The following FKBP15 variants were observed in gnomAD, a reference collection of about 807,000 sequenced individuals.
FKBP15 encodes the protein FKBP prolyl isomerase family member 15.
In FKBP15, 106 loss-of-function variants were observed where a neutral mutation model predicts 158.1. The ratio of observed to expected loss-of-function variants is 0.67; its 90% CI spans 0.57 to 0.79. The LOEUF (loss-of-function observed/expected upper bound fraction) is 0.79, where lower values mean the gene tolerates loss of function less well. Ranked by LOEUF, FKBP15 falls within the 30% of genes least tolerant of loss-of-function variation. The probability of loss-of-function intolerance (pLI) is 0.00; values close to 1 mark genes in which losing one functional copy is unlikely to be tolerated. For synonymous variants in FKBP15, 547 were observed against 548.6 expected, an observed-to-expected ratio of 1.00 and a Z score of 0.04; for missense variants, 1,287 against 1,479.1, an observed-to-expected ratio of 0.87 and a Z score of 2.13.
At position 113,161,549 on chromosome 9, in the gene FKBP15, A is replaced by G; in HGVS notation, c.*4529T>C. ...TGTTGGTGCTCCTGCTTCTGGCTGTACTGTATGAAGGCATCAAGGTTGGCA... is the reference window on the plus strand; with the variant it reads ...TGTTGGTGCTCCTGCTTCTGGCTGTGCTGTATGAAGGCATCAAGGTTGGCA... On this transcript the variant is annotated 3_prime_UTR_variant, in exon 28 of 28. Coordinates refer to ENST00000238256, the MANE Select transcript of FKBP15 (RefSeq NM_015258.2). 6.2e-7 allele frequency: 1 copy of G among 1,614,000 alleles called. No individual in the cohort carries two copies. The highest frequency in any genetic ancestry group is 8.5e-7 in the Non-Finnish European group (1 of 1,179,886).
intron 13 of FKBP15, 56 bp from the exon 14 acceptor site, chr9:113,187,955 C>A (rs1324859194): frequency 7.8e-7 from 1 of 1,288,514 alleles, no homozygotes; most frequent in Non-Finnish European, 1.1e-6. Context: ...TGGTGTGAGT[C>A]TAGACTAGCA....
chr9:113,219,344 C>T (rs917062161), intron 1 of FKBP15, among the ~76,000 whole-genome samples: 1 of 152,100 alleles, frequency 6.6e-6, no homozygotes, highest in Non-Finnish European at 1.5e-5. Flanking sequence ...TAATATATGG[C>T]TATAAAAGAG....
At position 113,169,918 on chromosome 9, in the gene FKBP15, G is replaced by C; in HGVS notation, c.2791C>G (p.Gln931Glu). 1 of 1,546,158 alleles carries C rather than the reference G, an allele frequency of 6.5e-7. No individual in the cohort carries two copies. The highest frequency in any genetic ancestry group is 8.7e-7 in the Non-Finnish European group (1 of 1,146,508). ...CTCTCTTCCTTCTCTTGCTCCTGTT[G>C]GTTTAACAGCTGAAGAGTCACCATC... Reference protein sequence around the residue: ...IKMVTLQLLNQQEQEKEESSS... With the variant: ...IKMVTLQLLNEQEQEKEESSS... The change falls in exon 26 of 28, where the codon CAA (glutamine) becomes GAA (glutamate). Residue 931 changes from glutamine to glutamate, a missense_variant. Coordinates refer to ENST00000238256, the MANE Select transcript of FKBP15 (RefSeq NM_015258.2).
Position 113,169,897 on chromosome 9 carries a change from C to T in FKBP15, c.2812G>A (p.Glu938Lys). 6.5e-7 allele frequency: 1 copy of T among 1,549,342 alleles called. No individual in the cohort carries two copies. The highest frequency in any genetic ancestry group is 8.7e-7 in the Non-Finnish European group (1 of 1,146,928). Residue 938 changes from glutamate (E) to lysine (K), a missense_variant, in exon 26 of 28, where the codon GAG (glutamate) becomes AAG (lysine). Physicochemically the swap from Glu to Lys is moderately conservative, Grantham distance 56. Transcript: ENST00000238256. ...LLNQQEQEKE[E>K]SSSEEEEEKA... ...TCTTCTTCTTCTTCACTGCTGCTCT[C>T]TTCCTTCTCTTGCTCCTGTTGGTTT...
In FKBP15 at chr9:113,198,772, A is replaced by C; in HGVS notation, c.717+83T>G. 1 of 982,404 alleles carries C rather than the reference A, an allele frequency of 1.0e-6. No homozygotes were observed. Among genetic ancestry groups the C allele is most frequent in the Middle Eastern group, 2.3e-4 (1 of 4,366 alleles). 60.9% of individuals were successfully genotyped at this position (982,404 alleles called of 1,614,324 possible). On this transcript the variant is annotated intron_variant, in intron 8 of 27. Coordinates refer to ENST00000238256, the MANE Select transcript of FKBP15 (RefSeq NM_015258.2). This position sits in a 1 kb window ranked among gnomAD's most constrained non-coding sequence, Gnocchi z 5.2. ...CGTCTCAAAAAATAAAAATAAAATA[A>C]AAAAAGGAATTCCACAAAATTTAAT...
At chr9:113,205,268 A>T (rs928997526) in intron 4 of FKBP15, among the ~76,000 whole-genome samples, 5 of 152,230 alleles carry the variant, frequency 3.3e-5, no homozygotes, top group African/African-American at 1.2e-4. Context: ...ATATCTGCAA[A>T]TAAGGGTTTA....
chr9:113,186,642 G>A (rs1830490690), intron 14 of FKBP15: 2 of 322,844 alleles, frequency 6.2e-6, no homozygotes, highest in South Asian at 1.5e-4. Context: ...ATTAAGCAGG[G>A]ATTCATTCCC....
At chr9:113,182,559 G>A (rs1830417505) in intron 19 of FKBP15, among the ~76,000 whole-genome samples, 1 of 152,146 alleles carries the variant, frequency 6.6e-6, no homozygotes, top group Non-Finnish European at 1.5e-5. Context: ...TAAGATCAGT[G>A]ATTATTTTTG....
At chr9:113,190,045 A>T (rs957558794) in intron 12 of FKBP15, among the ~76,000 whole-genome samples, 3 of 152,262 alleles carry the variant, frequency 2.0e-5, no homozygotes, top group African/African-American at 7.2e-5. Context: ...AGAATACCAC[A>T]TACAAAGTCA....
rs376220172 is a variant in FKBP15, at chr9:113,173,470, C to T, written c.2515G>A (p.Val839Ile). The change falls in exon 23 of 28, where the codon GTA (valine) becomes ATA (isoleucine). Residue 839 changes from valine (V) to isoleucine (I), a missense_variant. Coordinates refer to ENST00000238256, the MANE Select transcript of FKBP15 (RefSeq NM_015258.2). ...AQRDAYQQKL[V>I]QLQEKCLALQ... is the part of the protein sequence containing the mutation. ...ATATGTACCTTTTCCTGAAGTTGTA[C>T]CAGCTTCTGCTGGTAGGCATCTCTC... 9 of 1,613,206 alleles carry T rather than the reference C, an allele frequency of 5.6e-6. No homozygotes were observed. In the African/African-American group the frequency reaches 1.1e-4, roughly 19 times the overall value.
rs1830078125 is a variant in FKBP15, at chr9:113,165,086, C to T, written c.*992G>A. The T allele has an allele frequency of 6.6e-6, 1 of 151,996 alleles. No homozygotes were observed. Among genetic ancestry groups the T allele is most frequent in the Non-Finnish European group, 1.5e-5 (1 of 68,000 alleles). The allele number at this position is 151,996 out of a possible 1,614,324, so 9.4% of individuals were successfully genotyped here. A position where few individuals can be genotyped will look rare whatever the true frequency, so the allele number is the denominator to read the frequency against. On this transcript the variant is annotated 3_prime_UTR_variant, in exon 28 of 28. Coordinates refer to ENST00000238256, the MANE Select transcript of FKBP15 (RefSeq NM_015258.2). ...CTGATTGCATAATCTTTGGAAGATC[C>T]TGGAATCAAGAAAATGACCACAAGT... is the stretch of plus-strand genomic sequence containing the variant.
intron 2 of FKBP15, among the ~76,000 whole-genome samples, chr9:113,210,220 G>A (rs1168417947): frequency 6.6e-6 from 1 of 152,116 alleles, no homozygotes; most frequent in East Asian, 1.9e-4. Context: ...ACCACTGGGG[G>A]TGAGCTTAGC....
In FKBP15 at chr9:113,182,803, T is replaced by C; in HGVS notation, c.1877A>G (p.Asn626Ser). 1 of 1,613,818 alleles carries C rather than the reference T, an allele frequency of 6.2e-7. No homozygotes were observed. The highest frequency in any genetic ancestry group is 8.5e-7 in the Non-Finnish European group (1 of 1,179,744). The stretch of plus-strand genomic sequence containing the variant: ...AGCATGCAATACTCTTGCCTGTGTG[T>C]TTTCTGTGGCTGTCTGAAGTGAGTT... ...RNNSLQTATE[N>S]TQARVLHAEQ... Residue 626 changes from asparagine to serine, a missense_variant, in exon 19 of 28, where the codon AAC (asparagine) becomes AGC (serine). Transcript: ENST00000238256.
chr9:113,186,551 A>G (rs746993941), intron 14 of FKBP15, 188 bp from the exon 15 acceptor site: 1 of 552,740 alleles, frequency 1.8e-6, no homozygotes, highest in Admixed American at 3.0e-5. Flanking sequence ...TATGTATCCC[A>G]GGGGAAACCA....
In FKBP15 at chr9:113,168,663, G is replaced by C. The variant is rs142723201; in HGVS notation, c.3486-107C>G. The stretch of plus-strand genomic sequence containing the variant: ...CTTGGGTAAGAATTCAACAGCGTTG[G>C]TGACTGCTCAGGAATTCCTCCCACC... On this transcript the variant is annotated intron_variant, in intron 26 of 27. Coordinates refer to ENST00000238256, the MANE Select transcript of FKBP15 (RefSeq NM_015258.2). The C allele has an allele frequency of 2.7e-5, 25 of 912,610 alleles. No individual in the cohort carries two copies. In the East Asian group the frequency reaches 4.7e-4, roughly 17 times the overall value. The allele number at this position is 912,610 out of a possible 1,614,324, so 56.5% of individuals were successfully genotyped here. A position where few individuals can be genotyped will look rare whatever the true frequency, so the allele number is the denominator to read the frequency against.
At chr9:113,173,393 G>T in intron 23 of FKBP15, 60 bp downstream of exon 23, 2 of 1,566,026 alleles carry the variant, frequency 1.3e-6, no homozygotes, top group South Asian at 2.3e-5. Flanking sequence ...GACTCAAACA[G>T]CCTGCTTGCC....
chr9:113,185,739 G>A (rs1223323498), intron 15 of FKBP15, among the ~76,000 whole-genome samples: 1 of 152,190 alleles, frequency 6.6e-6, no homozygotes, highest in Non-Finnish European at 1.5e-5. Context: ...GGGAAGGACA[G>A]TAACTTCACT....
chr9:113,183,776 TA>T lies in FKBP15; in HGVS notation c.1785del (p.Ser596ValfsTer3), dbSNP rs1410258452. 8 of 1,613,424 alleles carry T rather than the reference TA, an allele frequency of 5.0e-6. No homozygotes were observed. Among genetic ancestry groups the T allele is most frequent in the Non-Finnish European group, 6.8e-6 (8 of 1,179,550 alleles). ...SNRIEEQNDK[I>X]SELIERNQRY... Reference sequence around the variant, plus strand: ...CTCTGATTTCGTTCAATTAGTTCACTAATCTTGTCATTCTGTTCTTCTATCC... The same window carrying T: ...CTCTGATTTCGTTCAATTAGTTCACTATCTTGTCATTCTGTTCTTCTATCC... On this transcript the variant is annotated frameshift_variant, in exon 18 of 28. Coordinates refer to ENST00000238256, the MANE Select transcript of FKBP15 (RefSeq NM_015258.2). LOFTEE classifies it high-confidence loss of function.
intron 19 of FKBP15, among the ~76,000 whole-genome samples, chr9:113,182,095 G>A (rs940751277): frequency 3.9e-5 from 6 of 152,180 alleles, no homozygotes; most frequent in African/African-American, 1.4e-4. Context: ...AGTTACAAGT[G>A]TGTTCAATCT....
Sources: allele counts gnomAD v4.1 joint callset (sites outside exome capture counted in the v4.1 genomes callset), GRCh38; gene constraint gnomAD v4.1.1; non-coding constraint Gnocchi (gnomAD v3.1); transcripts MANE v1.5; gene names NCBI Gene and HGNC (gene_info 2026-07-23, HGNC 2026-07-21).